Variants in PLAAT5 observed in about 807,000 individuals in gnomAD.
PLAAT5 encodes the protein Ca(2+)-independent N-acyltransferase.
PLAAT5 carries 27 observed loss-of-function variants against 27.8 expected under a neutral mutation model. The ratio of observed to expected loss-of-function variants is 0.97; its 90% confidence interval spans 0.72 to 1.34. PLAAT5 has a LOEUF of 1.34. Among genes scored for constraint, PLAAT5 ranks in the 40% most tolerant of loss-of-function variants. The probability of loss-of-function intolerance (pLI) is 0.00; values close to 1 mark genes in which losing one functional copy is unlikely to be tolerated. For synonymous variants in PLAAT5, 125 were observed against 136.1 expected (o/e 0.92, Z 0.57); for missense variants, 368 against 343.8 (o/e 1.07, Z -0.56).
chr11:63,490,518 C>G, intron 1 of PLAAT5, 185 bp from the exon 2 acceptor site: 1 of 889,166 alleles, frequency 1.1e-6, no homozygotes, highest in East Asian at 2.5e-5. Context: ...GGGTTCAGTT[C>G]CTCTGCCAAA....
At chr11:63,483,824 T>C (rs779672013) in intron 3 of PLAAT5, among the ~76,000 whole-genome samples, 3,080 of 109,148 alleles carry the variant, frequency 0.028, 104 homozygotes, top group Non-Finnish European at 0.04. Flanking sequence ...TATATATATA[T>C]ATATATATAT....
At chr11:63,468,268 G>A in intron 4 of PLAAT5, 89 bp downstream of exon 4, 1 of 948,436 alleles carries the variant, frequency 1.1e-6, no homozygotes, top group South Asian at 1.4e-5. Flanking sequence ...CTAAAGAATG[G>A]CAGTAACTGA....
intron 3 of PLAAT5, among the ~76,000 whole-genome samples, chr11:63,481,742 T>G (rs2016289571): frequency 6.6e-6 from 1 of 152,188 alleles, no homozygotes; most frequent in South Asian, 2.1e-4. Context: ...AATGATGAGT[T>G]CATGTCCTTT....
intron 3 of PLAAT5, among the ~76,000 whole-genome samples, chr11:63,487,197 C>G (rs2016456484): frequency 6.6e-6 from 1 of 152,138 alleles, no homozygotes; most frequent in East Asian, 1.9e-4. Flanking sequence ...AAGTATATAT[C>G]TGATGACGTA....
chr11:63,465,105 C>T (rs1178722544), intron 5 of PLAAT5, among the ~76,000 whole-genome samples: 1 of 151,792 alleles, frequency 6.6e-6, no homozygotes, highest in Non-Finnish European at 1.5e-5. Flanking sequence ...TGGCAAAACC[C>T]CATTTCTACT....
intron 3 of PLAAT5, among the ~76,000 whole-genome samples, chr11:63,479,019 A>C (rs1308007509): frequency 6.6e-6 from 1 of 152,210 alleles, no homozygotes; most frequent in Non-Finnish European, 1.5e-5. Flanking sequence ...CAGGCTTCTC[A>C]CCCAGAAAGC....
chr11:63,483,264 A>T (rs1196142002), intron 3 of PLAAT5, among the ~76,000 whole-genome samples: 1 of 152,182 alleles, frequency 6.6e-6, no homozygotes, highest in Non-Finnish European at 1.5e-5. Flanking sequence ...TAAACTTAAC[A>T]GATATTTACA....
chr11:63,477,838 G>C (rs2016189481), intron 3 of PLAAT5, among the ~76,000 whole-genome samples: 1 of 152,100 alleles, frequency 6.6e-6, no homozygotes, highest in African/African-American at 2.4e-5. Flanking sequence ...GCCACACCTT[G>C]TGCCGCGAAG....
intron 3 of PLAAT5, chr11:63,469,307 G>T: frequency 4.3e-6 from 1 of 230,460 alleles, no homozygotes; most frequent in Non-Finnish European, 9.5e-6. Context: ...AGCTTCTGTG[G>T]CCCTGTGACC....
intron 3 of PLAAT5, among the ~76,000 whole-genome samples, chr11:63,481,403 G>A (rs1253900116): frequency 1.3e-5 from 2 of 152,190 alleles, no homozygotes; most frequent in Non-Finnish European, 2.9e-5. Context: ...TCGTGCCATT[G>A]CACTCCAGCC....
At chr11:63,481,943 C>T (rs573991609) in intron 3 of PLAAT5, among the ~76,000 whole-genome samples, 1 of 152,186 alleles carries the variant, frequency 6.6e-6, no homozygotes, top group East Asian at 1.9e-4. Context: ...AATTAGGAGA[C>T]ATACCTAATG....
Position 63,483,842 on chromosome 11 carries a change from T to TAC in PLAAT5, c.345+5027_345+5028dup, listed in dbSNP as rs1199525578. Among the ~76,000 whole-genome samples, 220 of 93,984 alleles carry TAC rather than the reference T, an allele frequency of 2.3e-3. 1 individual carries two copies. The highest frequency in any genetic ancestry group is 6.1e-3 in the East Asian group (20 of 3,296). 61.7% of individuals were successfully genotyped at this position (93,984 alleles called of 152,430 possible). ...ATATATATATATATATATATATATA[T>TAC]ACACATATATATATATGAAACAAAA... On this transcript the variant is annotated intron_variant, in intron 3 of 5. Transcript: ENST00000540857.
rs2015867129 is a variant in PLAAT5, at chr11:63,466,368, C to T, written c.459G>A (p.Glu153=). ...AAGTAATGCTGCCCACCTCAAACTCCTCACCTGGAGACCAAAGACAAACAA... is the reference window on the plus strand; with the variant it reads ...AAGTAATGCTGCCCACCTCAAACTCTTCACCTGGAGACCAAAGACAAACAA... ...DCVVHLAPPS[E]EFEVGSITSI... is the part of the protein sequence containing the mutation. Residue 153 remains glutamate (E), a synonymous_variant, in exon 5 of 6, where the codon GAG becomes GAA. Coordinates refer to ENST00000540857, the MANE Select transcript of PLAAT5 (RefSeq NM_001146729.2). The T allele has an allele frequency of 2.5e-6, 4 of 1,613,838 alleles. No homozygotes were observed. Among genetic ancestry groups the T allele is most frequent in the Non-Finnish European group, 2.5e-6 (3 of 1,179,960 alleles).
At chr11:63,469,123 T>TGA (rs1466097902) in intron 3 of PLAAT5, among the ~76,000 whole-genome samples, 5 of 145,480 alleles carry the variant, frequency 3.4e-5, no homozygotes, top group African/African-American at 1.4e-4. Flanking sequence ...TGTGTGTGTG[T>TGA]GTGTGTGTGT....
intron 4 of PLAAT5, 62 bp from the exon 5 acceptor site, chr11:63,466,434 TA>T: frequency 6.5e-7 from 1 of 1,536,604 alleles, no homozygotes. Flanking sequence ...GAGCACAGTC[TA>T]AGACTCTGAG....
chr11:63,476,710 T>C (rs945942414), intron 3 of PLAAT5, among the ~76,000 whole-genome samples: 8 of 152,220 alleles, frequency 5.3e-5, no homozygotes, highest in African/African-American at 1.9e-4. Context: ...CTTGGGTGTA[T>C]AGATTAATGT....
intron 3 of PLAAT5, among the ~76,000 whole-genome samples, chr11:63,471,761 T>C (rs1380042194): frequency 6.6e-6 from 1 of 152,222 alleles, no homozygotes; most frequent in African/African-American, 2.4e-5. Context: ...CATTTTGAAA[T>C]TCTGATTTAA....
rs1028018218 is a variant in PLAAT5 at position 63,468,165 on chromosome 11, T to C, written c.454+192A>G. 2.0e-5 allele frequency among the ~76,000 whole-genome samples: 3 copies of C among 152,192 alleles called. No individual in the cohort carries two copies. The South Asian group carries it at 6.2e-4, about 32-fold the overall frequency. ...ACGCTCTTTACACTTGTATCACTCT[T>C]AGGCCTGGACACTCATTGGTTTTTG... is the stretch of plus-strand genomic sequence containing the variant. On this transcript the variant is annotated intron_variant, in intron 4 of 5. Coordinates refer to ENST00000540857, the MANE Select transcript of PLAAT5 (RefSeq NM_001146729.2).
chr11:63,491,074 G>A lies in PLAAT5; in HGVS notation c.-40C>T. 7.3e-7 allele frequency: 1 copy of A among 1,378,658 alleles called. No individual in the cohort carries two copies. Among genetic ancestry groups the A allele is most frequent in the African/African-American group, 1.5e-5 (1 of 65,306 alleles). 85.4% of individuals were successfully genotyped at this position (1,378,658 alleles called of 1,614,324 possible). A position where few individuals can be genotyped will look rare whatever the true frequency, so the allele number is the denominator to read the frequency against. Reference sequence around the variant, plus strand: ...CTCGCCGGCCCCCAGGCCTTGCAGGGGACTACGCCCCTGGCGAGTTCCCAG... The same window carrying A: ...CTCGCCGGCCCCCAGGCCTTGCAGGAGACTACGCCCCTGGCGAGTTCCCAG... On this transcript the variant is annotated 5_prime_UTR_variant, in exon 1 of 6. Transcript: ENST00000540857.
Sources: allele counts gnomAD v4.1 joint callset (sites outside exome capture counted in the v4.1 genomes callset), GRCh38; gene constraint gnomAD v4.1.1; transcripts MANE v1.5; gene names NCBI Gene and HGNC (gene_info 2026-07-23, HGNC 2026-07-21).